The following SNX14 variants were observed in gnomAD, a reference collection of about 807,000 sequenced individuals.
SNX14 encodes the protein sorting nexin-14.
In SNX14, 93 loss-of-function variants were observed where a neutral mutation model predicts 133.8. That is an observed-to-expected ratio of 0.70 (90% CI 0.59 to 0.83). The LOEUF is 0.83. SNX14 is among the 40% of genes least tolerant of loss of function. The pLI is 0.00. For missense variants in SNX14, 945 were observed against 1,094.9 expected (o/e 0.86, Z 1.93); for synonymous variants, 368 against 365.6 (o/e 1.01, Z -0.07).
chr6:85,542,159 G>T, intron 14 of SNX14, 116 bp from the exon 15 acceptor site: 2 of 615,554 alleles, frequency 3.2e-6, no homozygotes, highest in Non-Finnish European at 5.3e-6. Flanking sequence ...TCTCAATCAA[G>T]TGAATACAGA....
At chr6:85,512,225 A>G (rs6915519) in intron 26 of SNX14, among the ~76,000 whole-genome samples, 9,625 of 152,204 alleles carry the variant, frequency 0.063, 490 homozygotes, top group East Asian at 0.2. Flanking sequence ...GATGTATTTC[A>G]AAATGGTTCC....
intron 26 of SNX14, 23 bp from the exon 27 acceptor site, chr6:85,508,082 A>C: frequency 6.2e-7 from 1 of 1,606,104 alleles, no homozygotes. Context: ...GCCAAATGTG[A>C]AATAATTTTA....
intron 1 of SNX14, among the ~76,000 whole-genome samples, chr6:85,589,888 A>G (rs1324516266): frequency 6.6e-6 from 1 of 152,186 alleles, no homozygotes; most frequent in Non-Finnish European, 1.5e-5. Flanking sequence ...CTTCCACAGC[A>G]CTGACAATCC....
chr6:85,538,867 G>C lies in SNX14; in HGVS notation c.1449-3C>G. On this transcript the variant is annotated splice_region_variant and splice_polypyrimidine_tract_variant and intron_variant, in intron 15 of 28. Transcript: ENST00000314673. ...AATCATCCAAACTTAGGCTACCTCT[G>C]CAATAACAGGTATGTGAAATAATAT... The C allele has an allele frequency of 1.3e-6, 2 of 1,593,704 alleles. No homozygotes were observed. Among genetic ancestry groups the C allele is most frequent in the Non-Finnish European group, 1.7e-6 (2 of 1,171,492 alleles).
intron 20 of SNX14, among the ~76,000 whole-genome samples, chr6:85,527,926 T>C (rs1344639994): frequency 6.6e-6 from 1 of 152,064 alleles, no homozygotes; most frequent in Non-Finnish European, 1.5e-5. Flanking sequence ...ACAAATATTC[T>C]AAGAATACTA....
chr6:85,568,617 A>C (rs965411227), intron 4 of SNX14: 1 of 152,226 alleles, frequency 6.6e-6, no homozygotes, highest in East Asian at 1.9e-4. Flanking sequence ...AAGGAGTTGC[A>C]ACATTGGGCA....
chr6:85,548,627 G>A (rs1289408456), intron 8 of SNX14, among the ~76,000 whole-genome samples: 4 of 152,084 alleles, frequency 2.6e-5, no homozygotes, highest in Non-Finnish European at 5.9e-5. Flanking sequence ...TTACTTAAGA[G>A]AAGAAAAAGT....
intron 21 of SNX14, among the ~76,000 whole-genome samples, chr6:85,521,638 T>C (rs764258148): frequency 2.0e-5 from 3 of 152,210 alleles, no homozygotes; most frequent in Non-Finnish European, 2.9e-5. Context: ...TTGTTTCCTT[T>C]GCTGTGTAGA....
intron 14 of SNX14, among the ~76,000 whole-genome samples, chr6:85,542,899 T>G (rs1784264454): frequency 6.6e-6 from 1 of 152,134 alleles, no homozygotes; most frequent in Non-Finnish European, 1.5e-5. Context: ...CCTGAGTAAC[T>G]GAGATTACAG....
intron 1 of SNX14, among the ~76,000 whole-genome samples, chr6:85,590,717 A>G (rs1190055498): frequency 6.6e-6 from 1 of 152,210 alleles, no homozygotes; most frequent in Non-Finnish European, 1.5e-5. Context: ...GAATAGCATT[A>G]GTTTATATGT....
intron 1 of SNX14, among the ~76,000 whole-genome samples, chr6:85,592,123 T>C (rs1487111133): frequency 6.6e-6 from 1 of 152,228 alleles, no homozygotes; most frequent in Non-Finnish European, 1.5e-5. Flanking sequence ...TAATAATTAG[T>C]GTTCCCTCTG....
At position 85,531,389 on chromosome 6, in the gene SNX14, CTGTTAT is replaced by C. The variant is rs1177075178; in HGVS notation, c.1811-1120_1811-1115del. Among the ~76,000 whole-genome samples the C allele has an allele frequency of 3.3e-5, 5 of 152,202 alleles. No individual in the cohort carries two copies. The East Asian group carries it at 5.8e-4, about 18-fold the overall frequency. On this transcript the variant is annotated intron_variant, in intron 18 of 28. Transcript: ENST00000314673. The stretch of plus-strand genomic sequence containing the variant: ...AGAGTAAATACCTCATAAATGTTAA[CTGTTAT>C]TGTTAACATCTAACATCAATCTACC...
chr6:85,514,395 G>T, intron 24 of SNX14, 111 bp downstream of exon 24: 1 of 1,436,574 alleles, frequency 7.0e-7, no homozygotes, highest in Non-Finnish European at 9.5e-7. Flanking sequence ...ATTATAAAAG[G>T]TATCTTCAAT....
At position 85,514,211 on chromosome 6, in the gene SNX14, C is replaced by A; in HGVS notation, c.2416G>T (p.Asp806Tyr). The A allele has an allele frequency of 6.2e-7, 1 of 1,612,542 alleles. No homozygotes were observed. Among genetic ancestry groups the A allele is most frequent in the South Asian group, 1.1e-5 (1 of 90,586 alleles). The change falls in exon 25 of 29, where the codon GAC becomes TAC. Residue 806 changes from aspartate to tyrosine, a missense_variant. Around this residue, in one of 3 missense-constraint regions of SNX14, gnomAD observed 412 missense variants for 516.6 expected, o/e 0.80. Transcript: ENST00000314673. Reference sequence around the variant, plus strand: ...CCCATTAAGAGATGATGAAGCCAGTCAGGAACCTGGAAAACTACCCGTCCT... The same window carrying A: ...CCCATTAAGAGATGATGAAGCCAGTAAGGAACCTGGAAAACTACCCGTCCT... ...YVGRVVFQVP[D>Y]WLHHLLMGTR...
chr6:85,578,435 G>A (rs1046768861), intron 1 of SNX14, among the ~76,000 whole-genome samples: 1 of 152,152 alleles, frequency 6.6e-6, no homozygotes, highest in Non-Finnish European at 1.5e-5. Flanking sequence ...CCACAGAGAA[G>A]GGAAGAGGGG....
Position 85,530,634 on chromosome 6 carries a change from G to C in SNX14, c.1811-359C>G, listed in dbSNP as rs1779971575. 2.1e-5 allele frequency among the ~76,000 whole-genome samples: 3 copies of C among 141,854 alleles called. No homozygotes were observed. In the Admixed American group the frequency reaches 2.2e-4, roughly 10 times the overall value. 93.1% of individuals were successfully genotyped at this position (141,854 alleles called of 152,430 possible). A position where few individuals can be genotyped will look rare whatever the true frequency, so the allele number is the denominator to read the frequency against. On this transcript the variant is annotated intron_variant, in intron 18 of 28. Coordinates refer to ENST00000314673, the MANE Select transcript of SNX14 (RefSeq NM_153816.6). ...CACTCCAGCCTGGGCAACAGAGCGA[G>C]ACTCTGTCTCAAAAAAAAAAAAAAA... is the stretch of plus-strand genomic sequence containing the variant.
At position 85,588,736 on chromosome 6, in the gene SNX14, C is replaced by A. The variant is rs373458749; in HGVS notation, c.140+4843G>T. The A allele has an allele frequency of 1.2e-4, 39 of 327,102 alleles. 3 individuals carry two copies. Among genetic ancestry groups the A allele is most frequent in the Admixed American group, 9.1e-4 (27 of 29,644 alleles). 20.3% of individuals were successfully genotyped at this position (327,102 alleles called of 1,614,324 possible). A position where few individuals can be genotyped will look rare whatever the true frequency, so the allele number is the denominator to read the frequency against. ...AGTTTACTGTTGACCAAAAGCCTTACCAATACAGTAATAGTTGGTTAGTAC... is the reference window on the plus strand; with the variant it reads ...AGTTTACTGTTGACCAAAAGCCTTAACAATACAGTAATAGTTGGTTAGTAC... On this transcript the variant is annotated intron_variant, in intron 1 of 28. Transcript: ENST00000314673.
intron 21 of SNX14, among the ~76,000 whole-genome samples, chr6:85,524,387 T>A (rs1777927474): frequency 6.6e-6 from 1 of 152,066 alleles, no homozygotes; most frequent in Non-Finnish European, 1.5e-5. Flanking sequence ...GTTAAGAGAA[T>A]AATATGCAAT....
In SNX14 at chr6:85,565,430, G is replaced by A. The variant is rs371072696; in HGVS notation, c.462-11C>T. 49 of 1,557,404 alleles carry A rather than the reference G, an allele frequency of 3.1e-5. No individual in the cohort carries two copies. The highest frequency in any genetic ancestry group is 3.7e-5 in the Non-Finnish European group (42 of 1,144,474). ...TCATCTGTCACATCCCTTCAATAAG[G>A]AGAAAAACAAATATTCAGAAGTTCA... On this transcript the variant is annotated splice_polypyrimidine_tract_variant and intron_variant, in intron 5 of 28. Transcript: ENST00000314673.
Sources: allele counts gnomAD v4.1 joint callset (sites outside exome capture counted in the v4.1 genomes callset), GRCh38; gene constraint gnomAD v4.1.1; regional missense constraint gnomAD v4.1.1; transcripts MANE v1.5; gene names NCBI Gene and HGNC (gene_info 2026-07-23, HGNC 2026-07-21).